DLC1: variants seen among roughly 807,000 people sequenced by gnomAD.
DLC1 encodes the protein rho GTPase-activating protein 7.
In DLC1, 54 loss-of-function variants were observed where a neutral mutation model predicts 140.3. That is an observed-to-expected ratio of 0.38 (90% CI 0.31 to 0.48). The LOEUF is 0.48. DLC1 is among the 20% of genes least tolerant of loss of function. The probability of loss-of-function intolerance (pLI) is 0.96; values close to 1 mark genes in which losing one functional copy is unlikely to be tolerated. For missense variants in DLC1, 2,536 were observed against 1,907.0 expected, an observed-to-expected ratio of 1.33 and a Z score of -6.14; for synonymous variants, 986 against 728.1, an observed-to-expected ratio of 1.35 and a Z score of -5.70.
chr8:13,381,393 A>G (rs11985972), intron 4 of DLC1, among the ~76,000 whole-genome samples: 19,992 of 152,222 alleles, frequency 0.13, 1,472 homozygotes, highest in Non-Finnish European at 0.17. Context: ...CTAATCTGCA[A>G]TACATCCTCC....
chr8:13,142,126 A>G (rs984063351), intron 5 of DLC1, among the ~76,000 whole-genome samples: 3 of 152,330 alleles, frequency 2.0e-5, no homozygotes, highest in African/African-American at 7.2e-5. Flanking sequence ...TGAAGAAGTT[A>G]CTTGCTTCTG....
intron 2 of DLC1, among the ~76,000 whole-genome samples, chr8:13,425,459 C>T (rs1333858725): frequency 6.6e-6 from 1 of 152,180 alleles, no homozygotes; most frequent in Non-Finnish European, 1.5e-5. Flanking sequence ...CTAACACTCA[C>T]TGTCTGACAT....
At chr8:13,197,261 G>C (rs1384941836) in intron 5 of DLC1, among the ~76,000 whole-genome samples, 1 of 152,122 alleles carries the variant, frequency 6.6e-6, no homozygotes, top group Non-Finnish European at 1.5e-5. Context: ...AACATAATTT[G>C]TTAATAGTAG....
At chr8:13,403,040 G>A (rs1273918497) in intron 2 of DLC1, among the ~76,000 whole-genome samples, 1 of 152,124 alleles carries the variant, frequency 6.6e-6, no homozygotes, top group Non-Finnish European at 1.5e-5. Context: ...ACTTGTGCAT[G>A]GTTTAACAGA....
At chr8:13,214,874 C>G in intron 5 of DLC1, 1 of 704,972 alleles carries the variant, frequency 1.4e-6, no homozygotes, top group Non-Finnish European at 2.6e-6. Context: ...CATGACAGGG[C>G]TTTTGTAAGC....
At chr8:13,563,516 C>T (rs1448919270) in intron 1 of DLC1, among the ~76,000 whole-genome samples, 4 of 152,142 alleles carry the variant, frequency 2.6e-5, no homozygotes, top group African/African-American at 9.7e-5. Context: ...CAGCGAGATT[C>T]CTGGCATCTT....
chr8:13,521,571 G>T (rs989286876), intron 1 of DLC1, among the ~76,000 whole-genome samples: 8 of 152,030 alleles, frequency 5.3e-5, no homozygotes, highest in African/African-American at 1.9e-4. Context: ...AATATGTCCA[G>T]ATTCCTACTC....
intron 5 of DLC1, among the ~76,000 whole-genome samples, chr8:13,153,008 T>C (rs1173336740): frequency 6.6e-6 from 1 of 152,146 alleles, no homozygotes; most frequent in Non-Finnish European, 1.5e-5. Flanking sequence ...CCTCCGCATA[T>C]TTTCATTTTC....
chr8:13,299,763 A>G (rs1832110812), intron 5 of DLC1, among the ~76,000 whole-genome samples: 1 of 152,144 alleles, frequency 6.6e-6, no homozygotes, highest in South Asian at 2.1e-4. Flanking sequence ...ATAATGGGAA[A>G]CCCCAGGGCC....
chr8:13,514,768 A>T lies in DLC1; in HGVS notation c.-292T>A, dbSNP rs879660663. ...CGCAGTGTGTGAGTCTAACAAAAACACCCTCTGCAGCTGGAGGGAGCCTTA... is the reference window on the plus strand; with the variant it reads ...CGCAGTGTGTGAGTCTAACAAAAACTCCCTCTGCAGCTGGAGGGAGCCTTA... On this transcript the variant is annotated 5_prime_UTR_variant, in exon 1 of 18. Transcript: ENST00000276297. 8 of 397,184 alleles carry T rather than the reference A, an allele frequency of 2.0e-5. No homozygotes were observed. Among genetic ancestry groups the T allele is most frequent in the Non-Finnish European group, 2.7e-5 (6 of 225,372 alleles). The allele number at this position is 397,184 out of a possible 1,614,324, so 24.6% of individuals were successfully genotyped here.
At chr8:13,095,644 T>C (rs1818444008) in intron 10 of DLC1, 1 of 188,764 alleles carries the variant, frequency 5.3e-6, no homozygotes, top group Non-Finnish European at 1.1e-5. Flanking sequence ...CCTTACAGAA[T>C]GGCGGTATAG....
rs562382564 is a variant in DLC1 at position 13,272,597 on chromosome 8, C to T, written c.1348+32672G>A. Among the ~76,000 whole-genome samples the T allele has an allele frequency of 3.9e-5, 6 of 152,250 alleles. No individual in the cohort carries two copies. In the East Asian group the frequency reaches 1.2e-3, roughly 29 times the overall value. On this transcript the variant is annotated intron_variant, in intron 5 of 17. Transcript: ENST00000276297. ...TTTTAACTGGCTGGGTGCGGTGGCT[C>T]ATGCCTGTAATCCCAGCACTTTGGG...
At chr8:13,583,741 G>A in intron 1 of DLC1, 1 of 152,440 alleles carries the variant, frequency 6.6e-6, no homozygotes. Context: ...CTGTTAGAGA[G>A]TCGGTGTCTC....
intron 5 of DLC1, among the ~76,000 whole-genome samples, chr8:13,230,209 A>G (rs1697590696): frequency 6.6e-6 from 1 of 152,216 alleles, no homozygotes; most frequent in Non-Finnish European, 1.5e-5. Flanking sequence ...TGGTACTTGT[A>G]GCCAGTAAAT....
intron 5 of DLC1, among the ~76,000 whole-genome samples, chr8:13,286,677 C>T (rs7007325): frequency 0.031 from 4,662 of 149,688 alleles, 249 homozygotes; most frequent in African/African-American, 0.11. Flanking sequence ...TTCACAGTCT[C>T]TCTGATAGCC....
chr8:13,467,426 A>G (rs1294499647), intron 2 of DLC1, among the ~76,000 whole-genome samples: 1 of 149,628 alleles, frequency 6.7e-6, no homozygotes, highest in Non-Finnish European at 1.5e-5. Context: ...TGTTAGGTTA[A>G]GGTAGTTCTA....
chr8:13,506,593 A>ATATATATACACG (rs1802087538), intron 1 of DLC1, among the ~76,000 whole-genome samples: 3 of 133,684 alleles, frequency 2.2e-5, no homozygotes, highest in Admixed American at 8.1e-5. Context: ...ATATATATAT[A>ATATATATACACG]TATATATATA....
intron 2 of DLC1, among the ~76,000 whole-genome samples, chr8:13,478,188 T>C (rs1347784999): frequency 2.0e-5 from 3 of 152,088 alleles, no homozygotes; most frequent in African/African-American, 4.8e-5. Context: ...CTTAGGAAGC[T>C]TACAATCATG....
chr8:13,462,396 CTT>C (rs869264457), intron 2 of DLC1, among the ~76,000 whole-genome samples: 21 of 131,084 alleles, frequency 1.6e-4, no homozygotes, highest in Non-Finnish European at 1.8e-4. Flanking sequence ...CATTACTATT[CTT>C]TTTTTTTTTT....
Sources: allele counts gnomAD v4.1 joint callset (sites outside exome capture counted in the v4.1 genomes callset), GRCh38; gene constraint gnomAD v4.1.1; transcripts MANE v1.5; gene names NCBI Gene and HGNC (gene_info 2026-07-23, HGNC 2026-07-21).